The following NAV3 variants were observed in gnomAD, a reference collection of about 807,000 sequenced individuals.
The protein encoded by NAV3 is pore membrane and/or filament interacting like protein 1.
A neutral mutation model predicts 244.7 loss-of-function variants in NAV3; 87 were observed. That is an observed-to-expected ratio of 0.36 (90% confidence interval 0.30 to 0.42). The LOEUF (loss-of-function observed/expected upper bound fraction) is 0.42, where lower values mean the gene tolerates loss of function less well. Among genes scored for constraint, NAV3 ranks in the 20% least tolerant of loss-of-function variants. The pLI is 1.00. For missense variants in NAV3, 2,663 were observed against 2,893.3 expected (o/e 0.92, Z 1.83); for synonymous variants, 1,126 against 1,042.2 (o/e 1.08, Z -1.55).
chr12:77,735,838 C>T (rs1211332988), intron 2 of NAV3, among the ~76,000 whole-genome samples: 1 of 152,064 alleles, frequency 6.6e-6, no homozygotes, highest in South Asian at 2.1e-4. Context: ...GCGCAACACA[C>T]CATGAGCTTA....
intron 22 of NAV3, among the ~76,000 whole-genome samples, chr12:78,152,622 C>T (rs2139291071): frequency 6.6e-6 from 1 of 151,902 alleles, no homozygotes; most frequent in East Asian, 1.9e-4. Flanking sequence ...GTAAGAAGTG[C>T]TGTGTTTAAA....
intron 2 of NAV3, among the ~76,000 whole-genome samples, chr12:77,940,868 T>C (rs1197382868): frequency 6.6e-6 from 1 of 151,952 alleles, no homozygotes; most frequent in African/African-American, 2.4e-5. Flanking sequence ...AACTTCCTTC[T>C]CACTCATTTT....
intron 1 of NAV3, among the ~76,000 whole-genome samples, chr12:77,930,222 T>C (rs546647582): frequency 2.5e-4 from 38 of 152,278 alleles, no homozygotes; most frequent in African/African-American, 8.9e-4. Flanking sequence ...AACCCCCTTC[T>C]TCTCTGCACT....
At chr12:77,803,957 C>G (rs1871841840) in intron 2 of NAV3, among the ~76,000 whole-genome samples, 1 of 152,098 alleles carries the variant, frequency 6.6e-6, no homozygotes, top group African/African-American at 2.4e-5. Flanking sequence ...TATCCTTCAC[C>G]CACGTTTTGA....
At chr12:77,698,372 C>A (rs1410275647) in intron 2 of NAV3, among the ~76,000 whole-genome samples, 7 of 152,088 alleles carry the variant, frequency 4.6e-5, no homozygotes, top group African/African-American at 1.7e-4. Flanking sequence ...ATTATATCAC[C>A]CATCACTGGA....
chr12:77,801,567 C>T (rs778748279), intron 2 of NAV3, among the ~76,000 whole-genome samples: 1 of 151,984 alleles, frequency 6.6e-6, no homozygotes, highest in East Asian at 1.9e-4. Flanking sequence ...TCTTTTCATT[C>T]TTTCTCTGGT....
At chr12:78,000,983 A>G (rs1873198263) in intron 7 of NAV3, among the ~76,000 whole-genome samples, 1 of 151,710 alleles carries the variant, frequency 6.6e-6, no homozygotes, top group African/African-American at 2.4e-5. Flanking sequence ...GTCTAAAAAA[A>G]AAAAAAAAAT....
At position 77,636,070 on chromosome 12, in the gene NAV3, A is replaced by T. The variant is rs75651138; in HGVS notation, c.72+63804A>T. ...AAAGAAGACATTTATGCGACCAGCA[A>T]ACATATTATAAAAAGCTCATCATCA... is the stretch of plus-strand genomic sequence containing the variant. On this transcript the variant is annotated intron_variant, in intron 2 of 8. Transcript: ENST00000550042. Among the ~76,000 whole-genome samples the T allele has an allele frequency of 4.3e-4, 66 of 152,364 alleles. 1 individual carries two copies. The East Asian group carries it at 0.011, about 25-fold the overall frequency.
At chr12:78,134,968 A>T (rs1250458600) in intron 18 of NAV3, among the ~76,000 whole-genome samples, 1 of 152,116 alleles carries the variant, frequency 6.6e-6, no homozygotes, top group Non-Finnish European at 1.5e-5. Flanking sequence ...CTATTTGGAA[A>T]TTCTTGTGTG....
In NAV3 at chr12:78,085,112, C is replaced by G. The variant is rs535261291; in HGVS notation, c.2636+25997C>G. Among the ~76,000 whole-genome samples, 745 of 152,178 alleles carry G rather than the reference C, an allele frequency of 4.9e-3. 7 individuals carry two copies. The highest frequency in any genetic ancestry group is 7.3e-3 in the Non-Finnish European group (498 of 67,966). On this transcript the variant is annotated intron_variant, in intron 12 of 39. Coordinates refer to ENST00000397909, the MANE Select transcript of NAV3 (RefSeq NM_001024383.2). ...ATATATTTTAAATATACAACTAATG[C>G]AAATTGCAGCTGATTTGATATTAAA...
intron 12 of NAV3, among the ~76,000 whole-genome samples, chr12:78,090,841 G>T (rs766365238): frequency 1.0e-4 from 15 of 147,096 alleles, no homozygotes; most frequent in Non-Finnish European, 2.1e-4. Flanking sequence ...TGAAAATTCC[G>T]TAACAGTCTT....
At chr12:78,035,809 C>T (rs989817460) in intron 9 of NAV3, among the ~76,000 whole-genome samples, 3 of 152,100 alleles carry the variant, frequency 2.0e-5, no homozygotes, top group Non-Finnish European at 4.4e-5. Flanking sequence ...AAGGCTTTGA[C>T]TTTGTTCTTT....
At chr12:77,585,324 C>T (rs913110107) in intron 2 of NAV3, among the ~76,000 whole-genome samples, 1 of 152,156 alleles carries the variant, frequency 6.6e-6, no homozygotes, top group Non-Finnish European at 1.5e-5. Flanking sequence ...CACTCCTAAA[C>T]GTCAGCAACC....
chr12:77,762,248 G>A (rs1322092727), intron 2 of NAV3, among the ~76,000 whole-genome samples: 3 of 152,054 alleles, frequency 2.0e-5, no homozygotes, highest in Non-Finnish European at 2.9e-5. Context: ...TGGACACAGT[G>A]AGGGGAACAT....
chr12:78,006,161 G>C (rs1446534457), intron 7 of NAV3, among the ~76,000 whole-genome samples: 1 of 151,888 alleles, frequency 6.6e-6, no homozygotes, highest in African/African-American at 2.4e-5. Flanking sequence ...AATTTATTTG[G>C]GTAAGAGTAA....
intron 1 of NAV3, among the ~76,000 whole-genome samples, chr12:77,859,312 C>T (rs531429565): frequency 2.0e-5 from 3 of 152,108 alleles, no homozygotes; most frequent in African/African-American, 7.2e-5. Flanking sequence ...TATTGTAAGG[C>T]CCTGGAAACT....
In NAV3 at chr12:78,021,977, A is replaced by G. The variant is rs147087118; in HGVS notation, c.2023+115A>G. ...TGTTTTTAGTGCAAAAATGGACTATATACATCTCATGCTTCAAAGATCATT... is the reference window on the plus strand; with the variant it reads ...TGTTTTTAGTGCAAAAATGGACTATGTACATCTCATGCTTCAAAGATCATT... On this transcript the variant is annotated intron_variant, in intron 9 of 39. Transcript: ENST00000397909. 8.5e-4 allele frequency: 408 copies of G among 478,970 alleles called. 4 individuals carry two copies. In the East Asian group the frequency reaches 0.013, roughly 15 times the overall value. The allele number at this position is 478,970 out of a possible 1,614,324, so 29.7% of individuals were successfully genotyped here.
At chr12:78,000,934 C>A (rs1191759192) in intron 7 of NAV3, among the ~76,000 whole-genome samples, 6 of 149,252 alleles carry the variant, frequency 4.0e-5, no homozygotes, top group Non-Finnish European at 8.9e-5. Context: ...GCCAAGATCG[C>A]GCCACTGCAC....
chr12:77,643,153 T>C (rs770357629), intron 2 of NAV3, among the ~76,000 whole-genome samples: 39 of 152,130 alleles, frequency 2.6e-4, no homozygotes, highest in Non-Finnish European at 4.7e-4. Context: ...AAACATGTCT[T>C]AAATTCCTCG....
Sources: allele counts gnomAD v4.1 joint callset (sites outside exome capture counted in the v4.1 genomes callset), GRCh38; gene constraint gnomAD v4.1.1; transcripts MANE v1.5; gene names NCBI Gene and HGNC (gene_info 2026-07-23, HGNC 2026-07-21).